The following AFG3L2 variants were observed in gnomAD, a reference collection of about 807,000 sequenced individuals.
AFG3L2 encodes the protein AFG3 like matrix AAA peptidase subunit 2, also known as mitochondrial inner membrane m-AAA protease component AFG3L2.
In AFG3L2, 54 loss-of-function variants were observed where a neutral mutation model predicts 94.5. The observed-to-expected ratio is 0.57, with a 90% confidence interval of 0.46 to 0.72. AFG3L2 has a LOEUF of 0.72. Ranked by LOEUF, AFG3L2 falls within the 30% of genes least tolerant of loss-of-function variation. AFG3L2 has a pLI of 0.00. For missense variants in AFG3L2, 754 were observed against 994.9 expected (o/e 0.76, Z 3.26); for synonymous variants, 377 against 365.5 (o/e 1.03, Z -0.36).
Position 12,337,449 on chromosome 18 carries a change from G to A in AFG3L2, c.2067C>T (p.Tyr689=). The change falls in exon 16 of 17, where the codon TAC becomes TAT. Residue 689 remains tyrosine, a synonymous_variant. Coordinates refer to ENST00000269143, the MANE Select transcript of AFG3L2 (RefSeq NM_006796.3). The part of the protein sequence containing the change: ...RQGDMVLEKP[Y]SEATARLIDD... ...CTATCAATCTTGCAGTGGCTTCACT[G>A]TAAGGTTTCTCCAATACCATGTCCC... 2 of 1,614,228 alleles carry A rather than the reference G, an allele frequency of 1.2e-6. No homozygotes were observed. The highest frequency in any genetic ancestry group is 1.7e-6 in the Non-Finnish European group (2 of 1,180,024).
chr18:12,346,403 C>A (rs984976168), intron 13 of AFG3L2, among the ~76,000 whole-genome samples: 1 of 152,204 alleles, frequency 6.6e-6, no homozygotes, highest in African/African-American at 2.4e-5. Flanking sequence ...ACATGCAGGA[C>A]AGCTCATTCT....
intron 9 of AFG3L2, among the ~76,000 whole-genome samples, chr18:12,355,997 ATGT>A (rs1435505915): frequency 6.6e-6 from 1 of 151,758 alleles, no homozygotes; most frequent in Non-Finnish European, 1.5e-5. Context: ...TGTAATGGAA[ATGT>A]TGTAAAACTG....
At chr18:12,348,176 A>C (rs909219566) in intron 13 of AFG3L2, 97 bp downstream of exon 13, 9 of 1,055,482 alleles carry the variant, frequency 8.5e-6, no homozygotes, top group African/African-American at 7.9e-5. Flanking sequence ...GAGTGGATAC[A>C]CTTTCTTTGC....
intron 1 of AFG3L2, among the ~76,000 whole-genome samples, chr18:12,372,568 C>T (rs561085990): frequency 1.3e-5 from 2 of 152,252 alleles, no homozygotes; most frequent in African/African-American, 4.8e-5. Flanking sequence ...AAACACATGT[C>T]CACGAAAAAT....
At chr18:12,356,158 T>A (rs912266170) in intron 9 of AFG3L2, among the ~76,000 whole-genome samples, 4 of 151,570 alleles carry the variant, frequency 2.6e-5, no homozygotes, top group Non-Finnish European at 5.9e-5. Flanking sequence ...GCAAAATTTT[T>A]TTTTTTTTTT....
At chr18:12,367,138 CTTCTGTGAAGAATGAAA>C (rs1568145461) in intron 4 of AFG3L2, 21 bp from the exon 5 acceptor site, 10 of 1,614,160 alleles carry the variant, frequency 6.2e-6, no homozygotes, top group Non-Finnish European at 8.5e-6. Context: ...AGGGAGACAG[CTTCTGTGAAGAATGAAA>C]TTCCACAATA....
intron 16 of AFG3L2, among the ~76,000 whole-genome samples, chr18:12,332,994 A>T (rs1472053901): frequency 1.7e-5 from 2 of 114,912 alleles, no homozygotes; most frequent in Non-Finnish European, 3.4e-5. Flanking sequence ...TATATTATAT[A>T]AATTATATAT....
At chr18:12,368,840 A>AT (rs2143223263) in intron 3 of AFG3L2, among the ~76,000 whole-genome samples, 1 of 152,206 alleles carries the variant, frequency 6.6e-6, no homozygotes, top group South Asian at 2.1e-4. Context: ...ACCTCAGCTG[A>AT]TGCACCCGTT....
intron 6 of AFG3L2, among the ~76,000 whole-genome samples, chr18:12,361,940 G>A (rs1397838002): frequency 1.3e-5 from 2 of 152,188 alleles, no homozygotes; most frequent in Non-Finnish European, 2.9e-5. Flanking sequence ...CTGGGCAATG[G>A]GCCAAACGCC....
chr18:12,351,258 C>T (rs371117466), intron 11 of AFG3L2, 48 bp from the exon 12 acceptor site: 11 of 1,613,966 alleles, frequency 6.8e-6, no homozygotes, highest in Non-Finnish European at 9.3e-6. Context: ...GAAACAGTCA[C>T]ACCTACACTC....
intron 5 of AFG3L2, among the ~76,000 whole-genome samples, chr18:12,366,102 T>C (rs963211342): frequency 3.3e-5 from 5 of 152,120 alleles, no homozygotes; most frequent in East Asian, 1.9e-4. Flanking sequence ...GGTCTCAATC[T>C]CCTGACCTCG....
Position 12,359,975 on chromosome 18 carries a change from A to G in AFG3L2, c.704T>C (p.Ile235Thr), listed in dbSNP as rs1217613379. 3.7e-6 allele frequency: 6 copies of G among 1,614,024 alleles called. No homozygotes were observed. Among genetic ancestry groups the G allele is most frequent in the South Asian group, 2.2e-5 (2 of 91,084 alleles). Residue 235 changes from isoleucine (I) to threonine (T), a missense_variant, in exon 7 of 17, where the codon ATA becomes ACA. Transcript: ENST00000269143. ...NLETLQQELG[I>T]EGENRVPVVY... ...AACAGGCACCCGATTTTCTCCTTCT[A>G]TGCCCAATTCCTGCTGTAAAGTTTC...
Position 12,377,077 on chromosome 18 carries a change from C to A in AFG3L2, c.6G>T (p.Ala2=). M[A]HRCLRLWGRG... ...GGCCCCACAGCCGCAAACAGCGGTG[C>A]GCCATGGCCGCCGCCGTGGCCCTCT... Residue 2 remains alanine (A), a synonymous_variant, in exon 1 of 17, where the codon GCG becomes GCT. Coordinates refer to ENST00000269143, the MANE Select transcript of AFG3L2 (RefSeq NM_006796.3). 1.4e-6 allele frequency: 2 copies of A among 1,418,150 alleles called. No homozygotes were observed. Among genetic ancestry groups the A allele is most frequent in the African/African-American group, 1.5e-5 (1 of 67,016 alleles). 87.8% of individuals were successfully genotyped at this position (1,418,150 alleles called of 1,614,324 possible).
intron 9 of AFG3L2, among the ~76,000 whole-genome samples, chr18:12,355,875 T>G (rs1470197324): frequency 6.6e-6 from 1 of 152,022 alleles, no homozygotes; most frequent in Non-Finnish European, 1.5e-5. Flanking sequence ...TGTTTCACCA[T>G]GTTAGCCAGG....
At chr18:12,358,635 A>C (rs1280094760) in intron 8 of AFG3L2, 35 bp downstream of exon 8, 4 of 1,598,928 alleles carry the variant, frequency 2.5e-6, no homozygotes, top group African/African-American at 1.3e-5. Flanking sequence ...AGATCAAGAA[A>C]CATTTCAAAA....
intron 1 of AFG3L2, among the ~76,000 whole-genome samples, chr18:12,374,448 A>T (rs1161794748): frequency 3.3e-5 from 5 of 152,190 alleles, no homozygotes; most frequent in Non-Finnish European, 7.3e-5. Context: ...CTTTAAGGGT[A>T]GCAGGAACAT....
At position 12,352,999 on chromosome 18, in the gene AFG3L2, A is replaced by C. The variant is rs201522350; in HGVS notation, c.1318+6T>G. The C allele has an allele frequency of 2.5e-6, 4 of 1,612,318 alleles. No homozygotes were observed. The highest frequency in any genetic ancestry group is 3.4e-6 in the Non-Finnish European group (4 of 1,179,646). Reference sequence around the variant, plus strand: ...AGTTAAAGATACAAAAGCCTTGACCACTCACCATCCATCTCCACCAGCAGC... The same window carrying C: ...AGTTAAAGATACAAAAGCCTTGACCCCTCACCATCCATCTCCACCAGCAGC... On this transcript the variant is annotated splice_donor_region_variant and intron_variant, in intron 10 of 16. Coordinates refer to ENST00000269143, the MANE Select transcript of AFG3L2 (RefSeq NM_006796.3).
At chr18:12,354,445 C>T (rs1282405076) in intron 9 of AFG3L2, among the ~76,000 whole-genome samples, 1 of 152,148 alleles carries the variant, frequency 6.6e-6, no homozygotes, top group African/African-American at 2.4e-5. Flanking sequence ...TGGAAAAGCC[C>T]CTGCTTGCTG....
intron 13 of AFG3L2, among the ~76,000 whole-genome samples, chr18:12,347,046 G>C (rs2143151279): frequency 6.6e-6 from 1 of 151,810 alleles, no homozygotes; most frequent in East Asian, 1.9e-4. Context: ...CTGTTTATTT[G>C]AACCCTGGAG....
Sources: allele counts gnomAD v4.1 joint callset (sites outside exome capture counted in the v4.1 genomes callset), GRCh38; gene constraint gnomAD v4.1.1; transcripts MANE v1.5; gene names NCBI Gene and HGNC (gene_info 2026-07-23, HGNC 2026-07-21).